POU6F2: variants seen among roughly 807,000 people sequenced by gnomAD.
The protein encoded by POU6F2 is POU domain, class 6, transcription factor 2.
Under a neutral mutation model 71.3 loss-of-function variants are expected in POU6F2, and 31 were observed. The observed-to-expected ratio is 0.43, with a 90% confidence interval of 0.33 to 0.59. The LOEUF (loss-of-function observed/expected upper bound fraction) is 0.59, where lower values mean the gene tolerates loss of function less well. Among genes scored for constraint, POU6F2 ranks in the 20% least tolerant of loss-of-function variants. The probability of loss-of-function intolerance (pLI) is 0.04; values close to 1 mark genes in which losing one functional copy is unlikely to be tolerated. For synonymous variants in POU6F2, 347 were observed against 355.7 expected (o/e 0.98, Z 0.27); for missense variants, 783 against 856.8 (o/e 0.91, Z 1.07).
At chr7:39,162,901 TG>T (rs1451409823) in intron 2 of POU6F2, among the ~76,000 whole-genome samples, 2 of 152,154 alleles carry the variant, frequency 1.3e-5, no homozygotes, top group Non-Finnish European at 2.9e-5. Context: ...ATCTGTAACA[TG>T]GTTTGTCATA....
At chr7:39,426,267 T>G (rs769076524) in intron 6 of POU6F2, among the ~76,000 whole-genome samples, 1 of 152,200 alleles carries the variant, frequency 6.6e-6, no homozygotes, top group Non-Finnish European at 1.5e-5. Context: ...TTGGGGGCAC[T>G]TTCATGAGTT....
At chr7:39,378,868 A>T (rs1374585010) in intron 5 of POU6F2, among the ~76,000 whole-genome samples, 1 of 152,216 alleles carries the variant, frequency 6.6e-6, no homozygotes, top group African/African-American at 2.4e-5. Flanking sequence ...TAACAGAATT[A>T]TGTAGTTCTT....
At chr7:39,137,902 G>A (rs1792418471) in intron 2 of POU6F2, among the ~76,000 whole-genome samples, 1 of 152,162 alleles carries the variant, frequency 6.6e-6, no homozygotes, top group African/African-American at 2.4e-5. Context: ...AAACCCTGCA[G>A]AGAGATTCCT....
At chr7:39,022,395 A>G (rs969377170) in intron 1 of POU6F2, among the ~76,000 whole-genome samples, 3 of 152,036 alleles carry the variant, frequency 2.0e-5, no homozygotes, top group Non-Finnish European at 4.4e-5. Flanking sequence ...CAACCTGATT[A>G]TCCCCCACCC....
chr7:39,182,370 T>A (rs1290192633), intron 2 of POU6F2, among the ~76,000 whole-genome samples: 1 of 152,230 alleles, frequency 6.6e-6, no homozygotes, highest in Non-Finnish European at 1.5e-5. Flanking sequence ...TTTGCCTGTT[T>A]AAACACATTG....
At chr7:39,269,816 G>T (rs778229583) in intron 4 of POU6F2, among the ~76,000 whole-genome samples, 1 of 152,068 alleles carries the variant, frequency 6.6e-6, no homozygotes, top group East Asian at 1.9e-4. Context: ...CAGTGTGAGG[G>T]TCATATAATC....
intron 2 of POU6F2, among the ~76,000 whole-genome samples, chr7:39,159,682 A>G (rs1452162303): frequency 6.6e-6 from 1 of 152,192 alleles, no homozygotes; most frequent in Non-Finnish European, 1.5e-5. Context: ...GGAAGAGGTA[A>G]CAAAAAGATG....
Position 39,435,710 on chromosome 7 carries a change from A to C in POU6F2, c.1320+2427A>C, listed in dbSNP as rs187099277. Among the ~76,000 whole-genome samples the C allele has an allele frequency of 2.0e-5, 3 of 152,292 alleles. No homozygotes were observed. The South Asian group carries it at 6.2e-4, about 32-fold the overall frequency. On this transcript the variant is annotated intron_variant, in intron 7 of 9. Coordinates refer to ENST00000518318, the MANE Select transcript of POU6F2 (RefSeq NM_001370959.1). The stretch of plus-strand genomic sequence containing the variant: ...TGTCATGAAGTCTTTGCCCATGCCT[A>C]TGTCCTGAATGGTATTGCCTAGGTT...
intron 2 of POU6F2, among the ~76,000 whole-genome samples, chr7:39,175,176 C>T (rs1030449004): frequency 2.0e-5 from 3 of 152,126 alleles, no homozygotes; most frequent in African/African-American, 7.2e-5. Flanking sequence ...CTTATACCTT[C>T]ACTCCTTTGG....
intron 8 of POU6F2, among the ~76,000 whole-genome samples, chr7:39,453,520 T>C (rs963990902): frequency 6.6e-6 from 1 of 152,202 alleles, no homozygotes; most frequent in African/African-American, 2.4e-5. Flanking sequence ...AACAACCTCC[T>C]ACTAATACAG....
At chr7:39,087,368 T>G (rs1045074736) in intron 2 of POU6F2, among the ~76,000 whole-genome samples, 28 of 152,130 alleles carry the variant, frequency 1.8e-4, no homozygotes, top group African/African-American at 6.7e-4. Flanking sequence ...TGTTTTATGC[T>G]TAACAATATA....
intron 4 of POU6F2, among the ~76,000 whole-genome samples, chr7:39,321,888 T>G (rs536310817): frequency 1.3e-3 from 198 of 151,602 alleles, no homozygotes; most frequent in Middle Eastern, 3.4e-3. Flanking sequence ...TATTTATATA[T>G]ATATAGAGAG....
intron 2 of POU6F2, among the ~76,000 whole-genome samples, chr7:39,203,040 T>C (rs1232826233): frequency 6.6e-6 from 1 of 152,226 alleles, no homozygotes; most frequent in Non-Finnish European, 1.5e-5. Flanking sequence ...GATTGACACA[T>C]TGTGGTAGAG....
chr7:39,073,715 G>A (rs944090577), intron 1 of POU6F2, among the ~76,000 whole-genome samples: 3 of 152,246 alleles, frequency 2.0e-5, no homozygotes, highest in African/African-American at 7.2e-5. Flanking sequence ...CCAAGAGAAA[G>A]CTGCCCAGAC....
In POU6F2 at chr7:39,021,583, A is replaced by G. The variant is rs554880707; in HGVS notation, c.105+43525A>G. Among the ~76,000 whole-genome samples the G allele has an allele frequency of 9.2e-5, 14 of 152,138 alleles. No individual in the cohort carries two copies. In the South Asian group the frequency reaches 2.7e-3, roughly 29 times the overall value. ...TGTAATTGATCTAAGTTATAAAACC[A>G]TATTGTTAACAATTTCTTGAGCTTA... is the stretch of plus-strand genomic sequence containing the variant. On this transcript the variant is annotated intron_variant, in intron 1 of 9. Coordinates refer to ENST00000518318, the MANE Select transcript of POU6F2 (RefSeq NM_001370959.1).
At chr7:39,078,967 C>T (rs930236789) in intron 1 of POU6F2, among the ~76,000 whole-genome samples, 2 of 152,070 alleles carry the variant, frequency 1.3e-5, no homozygotes, top group African/African-American at 4.8e-5. Context: ...ACAGCATCCC[C>T]TACAGCATCT....
intron 4 of POU6F2, among the ~76,000 whole-genome samples, chr7:39,304,565 C>A (rs1384294598): frequency 6.6e-6 from 1 of 152,054 alleles, no homozygotes; most frequent in African/African-American, 2.4e-5. Flanking sequence ...AAGAAATAAT[C>A]TTAAATCAAG....
At chr7:39,081,041 A>C (rs565597654) in intron 1 of POU6F2, among the ~76,000 whole-genome samples, 2 of 152,340 alleles carry the variant, frequency 1.3e-5, no homozygotes, top group South Asian at 4.1e-4. Flanking sequence ...ATAGAAGTAC[A>C]CTGGGACATC....
At chr7:39,413,387 A>G (rs970592031) in intron 6 of POU6F2, among the ~76,000 whole-genome samples, 3 of 152,218 alleles carry the variant, frequency 2.0e-5, no homozygotes, top group Non-Finnish European at 4.4e-5. Flanking sequence ...AAATACAAAA[A>G]AGGCAAAAGA....
Sources: gnomAD v4.1 joint callset for allele counts (sites outside exome capture counted in the v4.1 genomes callset) on GRCh38, gnomAD v4.1.1 for gene constraint, MANE v1.5 for transcripts, NCBI Gene and HGNC (gene_info 2026-07-23, HGNC 2026-07-21) for gene names.